PRKCI: variants seen among roughly 807,000 people sequenced by gnomAD.
PRKCI encodes the protein protein kinase C iota.
PRKCI carries 43 observed loss-of-function variants against 84.0 expected under a neutral mutation model. That is an observed-to-expected ratio of 0.51 (90% CI 0.40 to 0.66). The LOEUF (loss-of-function observed/expected upper bound fraction) is 0.66. Ranked by LOEUF, PRKCI falls within the 30% of genes least tolerant of loss-of-function variation. PRKCI has a pLI of 0.00. For missense variants in PRKCI, 459 were observed against 745.6 expected (o/e 0.62, Z 4.48); for synonymous variants, 216 against 234.4 (o/e 0.92, Z 0.72).
chr3:170,224,061 C>G (rs1283805167), intron 1 of PRKCI, among the ~76,000 whole-genome samples: 3 of 105,628 alleles, frequency 2.8e-5, no homozygotes, highest in Admixed American at 1.2e-4. Flanking sequence ...TGGTATCCCT[C>G]CCCCCTCCCC....
chr3:170,236,266 A>G (rs1380751299), intron 2 of PRKCI, among the ~76,000 whole-genome samples: 3 of 148,370 alleles, frequency 2.0e-5, no homozygotes, highest in South Asian at 4.3e-4. Flanking sequence ...ACACCCAGAT[A>G]ATTTTTGTAT....
chr3:170,280,864 T>C (rs905736184), intron 9 of PRKCI, among the ~76,000 whole-genome samples: 7 of 152,170 alleles, frequency 4.6e-5, no homozygotes, highest in Non-Finnish European at 1.0e-4. Context: ...TTCTTATAGA[T>C]GGTATAAGAT....
chr3:170,238,006 C>T (rs1733023951), intron 2 of PRKCI, among the ~76,000 whole-genome samples: 1 of 152,058 alleles, frequency 6.6e-6, no homozygotes, highest in Non-Finnish European at 1.5e-5. Flanking sequence ...TTTTGCAGAC[C>T]TGGTGGGCAT....
intron 4 of PRKCI, 104 bp downstream of exon 4, chr3:170,263,533 G>GTCCACTGCACCTA: frequency 1.1e-6 from 1 of 950,412 alleles, no homozygotes; most frequent in Non-Finnish European, 1.6e-6. Flanking sequence ...AGTGGACAGT[G>GTCCACTGCACCTA]GCTAATGCCT....
At chr3:170,300,566 A>G (rs1270044457) in intron 17 of PRKCI, among the ~76,000 whole-genome samples, 2 of 147,852 alleles carry the variant, frequency 1.4e-5, no homozygotes, top group Non-Finnish European at 3.0e-5. Flanking sequence ...CCTCATTTTC[A>G]TTTCATCTTA....
chr3:170,250,087 C>A (rs1245631997), intron 2 of PRKCI, among the ~76,000 whole-genome samples: 1 of 151,308 alleles, frequency 6.6e-6, no homozygotes, highest in Non-Finnish European at 1.5e-5. Context: ...ACCAGCCTGG[C>A]CTCTGTCGCT....
chr3:170,247,560 G>A (rs554594227), intron 2 of PRKCI, among the ~76,000 whole-genome samples: 22 of 151,388 alleles, frequency 1.5e-4, no homozygotes, highest in Admixed American at 4.6e-4. Context: ...GAGAAATGCC[G>A]TCTCTACTAA....
rs1560178180 is a variant in PRKCI, at chr3:170,270,575, CCTTTT to C, written c.591+15_591+19del. On this transcript the variant is annotated intron_variant, in intron 6 of 17. Transcript: ENST00000295797. ...TCTTTGCCACAGGTAAGATGTCTGT[CCTTTT>C]TTTTTTTTTTTTTTTTAAGAGCGTG... 7.1e-7 allele frequency: 1 copy of C among 1,415,118 alleles called. No individual in the cohort carries two copies. The highest frequency in any genetic ancestry group is 2.7e-5 in the Admixed American group (1 of 37,636). 87.7% of individuals were successfully genotyped at this position (1,415,118 alleles called of 1,614,324 possible).
intron 2 of PRKCI, among the ~76,000 whole-genome samples, chr3:170,258,703 T>C (rs915032222): frequency 2.6e-5 from 4 of 152,176 alleles, no homozygotes; most frequent in African/African-American, 9.7e-5. Context: ...GAGGTGTTTT[T>C]TCCATCACTT....
chr3:170,272,557 T>TA (rs1295740290), intron 6 of PRKCI, among the ~76,000 whole-genome samples: 2 of 152,194 alleles, frequency 1.3e-5, no homozygotes, highest in Non-Finnish European at 2.9e-5. Flanking sequence ...TTTGGTGACA[T>TA]ATGGAAGGAA....
intron 11 of PRKCI, among the ~76,000 whole-genome samples, chr3:170,284,197 C>G (rs933089187): frequency 1.3e-5 from 2 of 151,956 alleles, no homozygotes; most frequent in African/African-American, 4.8e-5. Context: ...GAAGTTCACC[C>G]AAGGACCCAG....
chr3:170,246,661 TTAAATA>T (rs1733294329), intron 2 of PRKCI, among the ~76,000 whole-genome samples: 1 of 152,164 alleles, frequency 6.6e-6, no homozygotes, highest in South Asian at 2.1e-4. Flanking sequence ...TTTATTGTAA[TTAAATA>T]TAAATAAGAA....
chr3:170,286,485 C>CTTTTT (rs34674664), intron 12 of PRKCI, among the ~76,000 whole-genome samples: 42 of 65,588 alleles, frequency 6.4e-4, no homozygotes, highest in South Asian at 7.0e-4. Flanking sequence ...AACAATGAGG[C>CTTTTT]TTTTTTTTTT....
intron 1 of PRKCI, among the ~76,000 whole-genome samples, chr3:170,226,507 A>G (rs554852394): frequency 3.7e-4 from 57 of 152,202 alleles, no homozygotes; most frequent in Admixed American, 1.2e-3. Context: ...ATTTCTTTAC[A>G]TTATATATGT....
chr3:170,272,943 C>T (rs1264542906), intron 6 of PRKCI, among the ~76,000 whole-genome samples: 2 of 152,130 alleles, frequency 1.3e-5, no homozygotes, highest in Non-Finnish European at 2.9e-5. Flanking sequence ...CTAAAGAATG[C>T]ATATTCCAGA....
intron 2 of PRKCI, among the ~76,000 whole-genome samples, chr3:170,237,604 A>G (rs1283267569): frequency 1.3e-5 from 2 of 152,228 alleles, no homozygotes; most frequent in African/African-American, 4.8e-5. Flanking sequence ...TTGTTATACA[A>G]ATAGAATTTC....
In PRKCI at chr3:170,230,315, G is replaced by A. The variant is rs1215722701; in HGVS notation, c.102-4915G>A. Among the ~76,000 whole-genome samples, 3 of 151,982 alleles carry A rather than the reference G, an allele frequency of 2.0e-5. No homozygotes were observed. The South Asian group carries it at 6.2e-4, about 32-fold the overall frequency. ...TAAGTAGCTGGGATTATAGGCGCACGCCACAACACCCGGCTAATTTTTGTT... is the reference window on the plus strand; with the variant it reads ...TAAGTAGCTGGGATTATAGGCGCACACCACAACACCCGGCTAATTTTTGTT... On this transcript the variant is annotated intron_variant, in intron 1 of 17. Transcript: ENST00000295797.
At chr3:170,224,714 G>A (rs1732585550) in intron 1 of PRKCI, among the ~76,000 whole-genome samples, 1 of 152,076 alleles carries the variant, frequency 6.6e-6, no homozygotes, top group Admixed American at 6.6e-5. Flanking sequence ...AGTAGAGACG[G>A]GGTTTCACCA....
At chr3:170,290,304 A>T (rs2108864100) in intron 12 of PRKCI, among the ~76,000 whole-genome samples, 1 of 149,344 alleles carries the variant, frequency 6.7e-6, no homozygotes, top group South Asian at 2.1e-4. Flanking sequence ...TTTATTGTTG[A>T]TTTTTTTTTT....
Sources: allele counts gnomAD v4.1 joint callset (sites outside exome capture counted in the v4.1 genomes callset), GRCh38; gene constraint gnomAD v4.1.1; transcripts MANE v1.5; gene names NCBI Gene and HGNC (gene_info 2026-07-23, HGNC 2026-07-21).